Variants in NELL2 observed in about 807,000 individuals in gnomAD.
NELL2 encodes the protein protein kinase C-binding protein NELL2.
In NELL2, 41 loss-of-function variants were observed where a neutral mutation model predicts 109.6. That is an observed-to-expected ratio of 0.37 (90% CI 0.29 to 0.49). NELL2 has a LOEUF of 0.49. Among genes scored for constraint, NELL2 ranks in the 20% least tolerant of loss-of-function variants. The pLI is 0.98. For synonymous variants in NELL2, 355 were observed against 344.7 expected (o/e 1.03, Z -0.33); for missense variants, 900 against 1,008.3 (o/e 0.89, Z 1.45).
chr12:44,540,020 T>C (rs942886827), intron 15 of NELL2, among the ~76,000 whole-genome samples: 1 of 152,172 alleles, frequency 6.6e-6, no homozygotes, highest in East Asian at 1.9e-4. Context: ...TACTTCCTCA[T>C]TCTACTTTAA....
At chr12:44,797,499 G>C (rs1169019037) in intron 3 of NELL2, among the ~76,000 whole-genome samples, 1 of 151,878 alleles carries the variant, frequency 6.6e-6, no homozygotes, top group Non-Finnish European at 1.5e-5. Context: ...CTGAATAATA[G>C]GAAATAAAAG....
At chr12:44,747,070 C>T (rs1198365985) in intron 9 of NELL2, among the ~76,000 whole-genome samples, 1 of 152,284 alleles carries the variant, frequency 6.6e-6, no homozygotes, top group East Asian at 1.9e-4. Context: ...CAACGATAGA[C>T]TGGATTAAGA....
intron 2 of NELL2, among the ~76,000 whole-genome samples, chr12:44,874,472 T>C (rs554942256): frequency 1.3e-5 from 2 of 152,314 alleles, no homozygotes; most frequent in South Asian, 2.1e-4. Context: ...GTTTGCTGCA[T>C]TGGAATTTGC....
intron 15 of NELL2, among the ~76,000 whole-genome samples, chr12:44,606,484 G>C (rs983852427): frequency 2.6e-5 from 4 of 152,170 alleles, no homozygotes; most frequent in Admixed American, 2.6e-4. Flanking sequence ...ACCACTACTA[G>C]TATGATTTTA....
At chr12:44,909,045 A>G (rs76821030) in intron 1 of NELL2, among the ~76,000 whole-genome samples, 1,599 of 151,944 alleles carry the variant, frequency 0.011, 30 homozygotes, top group East Asian at 0.047. Context: ...GTGACAAATT[A>G]CTTTTAAAAA....
At chr12:44,919,563 G>C (rs541677801) in intron 1 of NELL2, among the ~76,000 whole-genome samples, 1 of 152,264 alleles carries the variant, frequency 6.6e-6, no homozygotes, top group South Asian at 2.1e-4. Context: ...TTATAAAAAG[G>C]GGAAATTTAG....
intron 15 of NELL2, among the ~76,000 whole-genome samples, chr12:44,543,885 C>T (rs1487999139): frequency 6.6e-6 from 1 of 152,068 alleles, no homozygotes; most frequent in Non-Finnish European, 1.5e-5. Flanking sequence ...TATAAAACTC[C>T]TTATTCCTAT....
At chr12:44,625,930 A>G (rs1241372722) in intron 13 of NELL2, among the ~76,000 whole-genome samples, 1 of 151,964 alleles carries the variant, frequency 6.6e-6, no homozygotes, top group East Asian at 1.9e-4. Flanking sequence ...GGACAATTCT[A>G]TATTACCTAA....
chr12:44,591,299 C>A (rs1379539352), intron 15 of NELL2, among the ~76,000 whole-genome samples: 3 of 152,110 alleles, frequency 2.0e-5, no homozygotes, highest in Non-Finnish European at 4.4e-5. Flanking sequence ...GAAAGGAAAT[C>A]AGAATATTGA....
At position 44,913,891 on chromosome 12, in the gene NELL2, A is replaced by C. The variant is rs1206323006; in HGVS notation, c.-55T>G. On this transcript the variant is annotated 5_prime_UTR_variant, in exon 1 of 21. Coordinates refer to the NELL2 transcript ENST00000333837. ...TTTTCACTTTTAGATTGAATAAAGCATCTTCCTTATTTCAGTAAATGTTAG... is the reference window on the plus strand; with the variant it reads ...TTTTCACTTTTAGATTGAATAAAGCCTCTTCCTTATTTCAGTAAATGTTAG... 5.3e-6 allele frequency: 3 copies of C among 561,612 alleles called. No homozygotes were observed. The African/African-American group carries it at 6.0e-5, about 11-fold the overall frequency. The allele number at this position is 561,612 out of a possible 1,614,324, so 34.8% of individuals were successfully genotyped here.
intron 3 of NELL2, among the ~76,000 whole-genome samples, chr12:44,784,125 G>T (rs540689886): frequency 6.6e-6 from 1 of 152,062 alleles, no homozygotes; most frequent in South Asian, 2.1e-4. Flanking sequence ...AATTAAAGAT[G>T]AAACTCTCAG....
At chr12:44,806,517 T>A (rs180786758) in intron 3 of NELL2, among the ~76,000 whole-genome samples, 2 of 151,976 alleles carry the variant, frequency 1.3e-5, no homozygotes, top group East Asian at 3.9e-4. Flanking sequence ...TTAAAATCTA[T>A]ACTTGAATCT....
At chr12:44,584,751 T>C (rs1025396229) in intron 15 of NELL2, among the ~76,000 whole-genome samples, 1 of 152,218 alleles carries the variant, frequency 6.6e-6, no homozygotes, top group African/African-American at 2.4e-5. Context: ...CAACTGCTGT[T>C]ACTTCAGTTA....
At chr12:44,760,321 A>G (rs1488836394) in intron 9 of NELL2, among the ~76,000 whole-genome samples, 1 of 152,218 alleles carries the variant, frequency 6.6e-6, no homozygotes, top group African/African-American at 2.4e-5. Context: ...TATGGTGTCC[A>G]TCAGAGAATT....
rs922060945 is a variant in NELL2, at chr12:44,554,113, G to A, written c.1664-21392C>T. Among the ~76,000 whole-genome samples, 6 of 152,178 alleles carry A rather than the reference G, an allele frequency of 3.9e-5. No homozygotes were observed. In the East Asian group the frequency reaches 1.2e-3, roughly 29 times the overall value. ...ACTATATTATCATGAGGAATCTGCAGAATGGACTCCAAACTTGAGCTATAA... is the reference window on the plus strand; with the variant it reads ...ACTATATTATCATGAGGAATCTGCAAAATGGACTCCAAACTTGAGCTATAA... On this transcript the variant is annotated intron_variant, in intron 15 of 19. Coordinates refer to ENST00000429094, the MANE Select transcript of NELL2 (RefSeq NM_001145108.2).
chr12:44,528,985 G>C (rs955010869), intron 16 of NELL2, among the ~76,000 whole-genome samples: 1 of 152,160 alleles, frequency 6.6e-6, no homozygotes, highest in African/African-American at 2.4e-5. Context: ...TGTCAACCAT[G>C]GTCAGGGTTT....
rs568414458 is a variant in NELL2, at chr12:44,743,504, A to G, written c.995-28763T>C. Among the ~76,000 whole-genome samples, 86 of 43,928 alleles carry G rather than the reference A, an allele frequency of 2.0e-3. 1 individual carries two copies. The East Asian group carries it at 0.035, about 18-fold the overall frequency. 28.8% of individuals were successfully genotyped at this position (43,928 alleles called of 152,430 possible). A position where few individuals can be genotyped will look rare whatever the true frequency, so the allele number is the denominator to read the frequency against. On this transcript the variant is annotated intron_variant, in intron 9 of 19. Transcript: ENST00000429094. ...ATGCCCCAATTAAAAGACACAGACT[A>G]GCAAATTGGATAGAGTCAAGACCCA...
intron 12 of NELL2, among the ~76,000 whole-genome samples, chr12:44,693,245 C>T (rs145542125): frequency 3.9e-5 from 6 of 152,232 alleles, no homozygotes; most frequent in African/African-American, 1.4e-4. Flanking sequence ...AAGGCTCGGA[C>T]GATTGTTAGC....
intron 19 of NELL2, among the ~76,000 whole-genome samples, chr12:44,515,428 T>C (rs1941218637): frequency 6.6e-6 from 1 of 151,902 alleles, no homozygotes; most frequent in African/African-American, 2.4e-5. Flanking sequence ...AGCTGTGTAA[T>C]TCAATTCATA....
Sources: gnomAD v4.1 joint callset for allele counts (sites outside exome capture counted in the v4.1 genomes callset) on GRCh38, gnomAD v4.1.1 for gene constraint, MANE v1.5 for transcripts, NCBI Gene and HGNC (gene_info 2026-07-23, HGNC 2026-07-21) for gene names.